The following HDHD2 variants were observed in gnomAD, a reference collection of about 807,000 sequenced individuals.
HDHD2 encodes haloacid dehalogenase like hydrolase domain containing 2.
HDHD2 carries 26 observed loss-of-function variants against 24.8 expected under a neutral mutation model. That is an observed-to-expected ratio of 1.05 (90% CI 0.77 to 1.45). The LOEUF (loss-of-function observed/expected upper bound fraction) is 1.45, where lower values mean the gene tolerates loss of function less well. HDHD2 is among the 40% of genes most tolerant of loss of function. The probability of loss-of-function intolerance (pLI) is 0.00; values close to 1 mark genes in which losing one functional copy is unlikely to be tolerated. For synonymous variants in HDHD2, 128 were observed against 114.9 expected (o/e 1.11, Z -0.73); for missense variants, 299 against 313.4 (o/e 0.95, Z 0.35).
Position 47,129,903 on chromosome 18 carries a change from G to A in HDHD2, c.395+341C>T, listed in dbSNP as rs1040789157. 4.5e-4 allele frequency among the ~76,000 whole-genome samples: 69 copies of A among 152,088 alleles called. 1 individual carries two copies. The highest frequency in any genetic ancestry group is 1.2e-4 in the African/African-American group (5 of 41,414). On this transcript the variant is annotated intron_variant, in intron 4 of 6. Transcript: ENST00000300605. ...TCCCTGAGTAACGTGGCGAAACCCC[G>A]TCTCTACTAAAAATACAAAAACTGA...
chr18:47,129,557 T>C (rs939140231), intron 4 of HDHD2, among the ~76,000 whole-genome samples: 1 of 152,182 alleles, frequency 6.6e-6, no homozygotes, highest in African/African-American at 2.4e-5. Flanking sequence ...TCTCTGAATC[T>C]GTTTTTCTTC....
chr18:47,127,976 T>C lies in HDHD2; in HGVS notation c.395+2268A>G, dbSNP rs138214697. On this transcript the variant is annotated intron_variant, in intron 4 of 6. Coordinates refer to ENST00000300605, the MANE Select transcript of HDHD2 (RefSeq NM_032124.5). ...TAACTAATCGGTGGTTCATTTAAGA[T>C]GTCTGTATTTGCCACATACAATCCA... Among the ~76,000 whole-genome samples, 352 of 152,334 alleles carry C rather than the reference T, an allele frequency of 2.3e-3. 2 individuals are homozygous for C. The highest frequency in any genetic ancestry group is 3.9e-3 in the Non-Finnish European group (266 of 68,030).
chr18:47,127,731 C>T (rs1281362799), intron 4 of HDHD2, among the ~76,000 whole-genome samples: 1 of 146,442 alleles, frequency 6.8e-6, no homozygotes, highest in Non-Finnish European at 1.5e-5. Flanking sequence ...AAAAAAAAAC[C>T]AACCACAATT....
rs114116765 is a variant in HDHD2, at chr18:47,121,459, A to C, written c.396-6111T>G. 9.0e-3 allele frequency among the ~76,000 whole-genome samples: 1,378 copies of C among 152,314 alleles called. 14 individuals carry two copies. Among genetic ancestry groups the C allele is most frequent in the African/African-American group, 0.032 (1,310 of 41,562 alleles). On this transcript the variant is annotated intron_variant, in intron 4 of 6. Coordinates refer to ENST00000300605, the MANE Select transcript of HDHD2 (RefSeq NM_032124.5). ...GAAATCCAGTAATTTCCAATTTTGA[A>C]CAAAAATTAAAATATCTCAAAATTG...
At chr18:47,113,471 C>CTT (rs1384115030) in intron 5 of HDHD2, among the ~76,000 whole-genome samples, 2 of 152,330 alleles carry the variant, frequency 1.3e-5, no homozygotes, top group Non-Finnish European at 2.9e-5. Flanking sequence ...GTTATCCTTA[C>CTT]TTTCTATCCC....
intron 1 of HDHD2, among the ~76,000 whole-genome samples, chr18:47,148,238 G>A (rs1347506103): frequency 6.6e-6 from 1 of 152,086 alleles, no homozygotes. Context: ...TGATCCATCC[G>A]CCTTGGGCTC....
intron 1 of HDHD2, among the ~76,000 whole-genome samples, chr18:47,144,815 GAAAAGAAAAGAAA>G (rs2063853125): frequency 7.8e-6 from 1 of 128,058 alleles, no homozygotes; most frequent in Non-Finnish European, 1.7e-5. Flanking sequence ...AAAAAAAAAA[GAAAAGAAAAGAAA>G]AAAAGAAAAA....
chr18:47,117,565 G>T (rs1040365596), intron 4 of HDHD2, among the ~76,000 whole-genome samples: 3 of 152,096 alleles, frequency 2.0e-5, no homozygotes, highest in African/African-American at 7.3e-5. Context: ...AAATAACTCT[G>T]TTCTTTATAA....
intron 1 of HDHD2, among the ~76,000 whole-genome samples, chr18:47,145,434 G>C (rs1168114283): frequency 6.6e-6 from 1 of 152,178 alleles, no homozygotes; most frequent in Admixed American, 6.5e-5. Context: ...GAGACGAACT[G>C]ATCAATGGAA....
chr18:47,130,132 T>C, intron 4 of HDHD2, 112 bp downstream of exon 4: 5 of 620,530 alleles, frequency 8.1e-6, no homozygotes, highest in Non-Finnish European at 1.4e-5. Context: ...TATCCTAATG[T>C]ACAATTTAGG....
intron 4 of HDHD2, among the ~76,000 whole-genome samples, chr18:47,127,843 T>TA (rs1236235149): frequency 6.6e-6 from 1 of 152,142 alleles, no homozygotes; most frequent in African/African-American, 2.4e-5. Flanking sequence ...AGATGCAGCA[T>TA]AATGTGAAGT....
At chr18:47,118,223 A>C (rs1391149008) in intron 4 of HDHD2, among the ~76,000 whole-genome samples, 1 of 152,154 alleles carries the variant, frequency 6.6e-6, no homozygotes, top group Non-Finnish European at 1.5e-5. Context: ...CTAGAACCAG[A>C]AATACCATCT....
intron 2 of HDHD2, among the ~76,000 whole-genome samples, chr18:47,136,034 AATG>A (rs1276421160): frequency 1.3e-5 from 2 of 152,228 alleles, no homozygotes; most frequent in Admixed American, 6.5e-5. Context: ...GATTTTTTCC[AATG>A]ATATTTATTC....
At position 47,149,836 on chromosome 18, in the gene HDHD2, A is replaced by C. The variant is rs576144815; in HGVS notation, c.-11+542T>G. On this transcript the variant is annotated intron_variant, in intron 1 of 6. Coordinates refer to ENST00000300605, the MANE Select transcript of HDHD2 (RefSeq NM_032124.5). Reference sequence around the variant, plus strand: ...CCTACTAAACTGTTAAGCTCTGTGCATAAGGGACTGTGTTGCCTTTCCCAC... The same window carrying C: ...CCTACTAAACTGTTAAGCTCTGTGCCTAAGGGACTGTGTTGCCTTTCCCAC... 2.6e-5 allele frequency among the ~76,000 whole-genome samples: 4 copies of C among 152,272 alleles called. No homozygotes were observed. In the East Asian group the frequency reaches 7.7e-4, roughly 29 times the overall value.
intron 3 of HDHD2, among the ~76,000 whole-genome samples, chr18:47,133,432 T>C (rs2063732789): frequency 6.7e-6 from 1 of 150,230 alleles, no homozygotes; most frequent in South Asian, 2.1e-4. Context: ...TCTTTGCTAT[T>C]GTGAATAGTG....
At chr18:47,118,600 C>A (rs560899471) in intron 4 of HDHD2, among the ~76,000 whole-genome samples, 1 of 152,104 alleles carries the variant, frequency 6.6e-6, no homozygotes, top group African/African-American at 2.4e-5. Flanking sequence ...GGGAGGGAGA[C>A]CATCAGGAAA....
chr18:47,129,565 T>G (rs1316284389), intron 4 of HDHD2, among the ~76,000 whole-genome samples: 1 of 152,154 alleles, frequency 6.6e-6, no homozygotes, highest in Non-Finnish European at 1.5e-5. Context: ...TCTGTTTTTC[T>G]TCATCTCCAC....
chr18:47,117,439 C>T (rs2144295060), intron 4 of HDHD2, among the ~76,000 whole-genome samples: 1 of 152,278 alleles, frequency 6.6e-6, no homozygotes, highest in East Asian at 1.9e-4. Flanking sequence ...CCCCTTCCCT[C>T]TCTTGTGTGC....
At chr18:47,128,051 T>C (rs955408367) in intron 4 of HDHD2, among the ~76,000 whole-genome samples, 4 of 102,260 alleles carry the variant, frequency 3.9e-5, no homozygotes, top group East Asian at 2.2e-4. Context: ...AACATCAATA[T>C]GCAAAAAGGG....
Sources: allele counts gnomAD v4.1 joint callset (sites outside exome capture counted in the v4.1 genomes callset), GRCh38; gene constraint gnomAD v4.1.1; transcripts MANE v1.5; gene names NCBI Gene and HGNC (gene_info 2026-07-23, HGNC 2026-07-21).